MCC: variants seen among roughly 807,000 people sequenced by gnomAD.
MCC encodes colorectal mutant cancer protein.
Under a neutral mutation model 116.2 loss-of-function variants are expected in MCC, and 90 were observed. The ratio of observed to expected loss-of-function variants is 0.77; its 90% confidence interval spans 0.65 to 0.92. MCC has a LOEUF of 0.92. MCC is among the 40% of genes least tolerant of loss of function. MCC has a pLI of 0.00. For synonymous variants in MCC, 578 were observed against 510.5 expected (o/e 1.13, Z -1.78); for missense variants, 1,516 against 1,312.2 (o/e 1.16, Z -2.40).
rs185441324 is a variant in MCC at position 113,216,126 on chromosome 5, C to T, written c.628-64704G>A. ...TATGCCCCCTTTATTTACATAGTGC[C>T]TATGGTTGCTTTTGCTGCAAAAATG... is the stretch of plus-strand genomic sequence containing the variant. On this transcript the variant is annotated intron_variant, in intron 3 of 18. Transcript: ENST00000408903. Among the ~76,000 whole-genome samples the T allele has an allele frequency of 2.0e-4, 31 of 152,252 alleles. No individual in the cohort carries two copies. The South Asian group carries it at 3.3e-3, about 16-fold the overall frequency.
chr5:113,320,527 C>T (rs1284146665), intron 3 of MCC, among the ~76,000 whole-genome samples: 1 of 151,150 alleles, frequency 6.6e-6, no homozygotes, highest in African/African-American at 2.4e-5. Flanking sequence ...GGGTGATAAC[C>T]TACAGGCCCT....
At chr5:113,435,347 C>T (rs916556304) in intron 1 of MCC, among the ~76,000 whole-genome samples, 3 of 148,690 alleles carry the variant, frequency 2.0e-5, no homozygotes, top group African/African-American at 7.5e-5. Flanking sequence ...CACACAATTA[C>T]CCCAAGATAG....
chr5:113,207,008 A>G (rs1404737845), intron 3 of MCC, among the ~76,000 whole-genome samples: 1 of 152,072 alleles, frequency 6.6e-6, no homozygotes, highest in African/African-American at 2.4e-5. Context: ...GGTCCTCCTT[A>G]CTCCATTAAT....
intron 3 of MCC, among the ~76,000 whole-genome samples, chr5:113,269,476 A>G (rs1765534868): frequency 6.6e-6 from 1 of 152,340 alleles, no homozygotes; most frequent in South Asian, 2.1e-4. Context: ...ACAAATGATT[A>G]AATTGTGGTA....
intron 17 of MCC, among the ~76,000 whole-genome samples, chr5:113,042,486 A>C (rs1471381157): frequency 6.6e-6 from 1 of 151,118 alleles, no homozygotes; most frequent in Non-Finnish European, 1.5e-5. Flanking sequence ...AAAAAAAAAA[A>C]AAAAAAAAAA....
intron 1 of MCC, among the ~76,000 whole-genome samples, chr5:113,409,814 C>G (rs934236279): frequency 1.3e-5 from 2 of 152,206 alleles, no homozygotes; most frequent in Non-Finnish European, 2.9e-5. Context: ...TATTTAGTCT[C>G]TGTCCCTTCC....
intron 14 of MCC, among the ~76,000 whole-genome samples, chr5:113,062,896 C>G (rs934438416): frequency 6.6e-6 from 1 of 152,156 alleles, no homozygotes; most frequent in African/African-American, 2.4e-5. Context: ...CTTTCCAGCA[C>G]CAAGAAAGCA....
rs1768754888 is a variant in MCC at position 113,368,414 on chromosome 5, CTTTGT to C, written c.415+16549_415+16553del. ...ACTATTTTGTTGATGATGTTTTTCC[CTTTGT>C]TTTCTTTGTTTACTCTTTCTAGAAT... On this transcript the variant is annotated intron_variant, in intron 2 of 18. Transcript: ENST00000408903. Among the ~76,000 whole-genome samples the C allele has an allele frequency of 2.6e-5, 4 of 152,176 alleles. No individual in the cohort carries two copies. The South Asian group carries it at 8.3e-4, about 32-fold the overall frequency.
intron 3 of MCC, among the ~76,000 whole-genome samples, chr5:113,236,123 C>T (rs1438804152): frequency 6.6e-6 from 1 of 151,988 alleles, no homozygotes; most frequent in African/African-American, 2.4e-5. Flanking sequence ...CTTTTAAAGG[C>T]TCTCTGATCT....
intron 3 of MCC, among the ~76,000 whole-genome samples, chr5:113,242,948 A>T (rs1764433919): frequency 6.6e-6 from 1 of 152,216 alleles, no homozygotes; most frequent in Non-Finnish European, 1.5e-5. Flanking sequence ...AGTGAGAGCG[A>T]GATCATCAGG....
intron 11 of MCC, among the ~76,000 whole-genome samples, chr5:113,073,349 T>A (rs1310140992): frequency 1.3e-5 from 2 of 152,236 alleles, no homozygotes; most frequent in Non-Finnish European, 2.9e-5. Context: ...CCACAAAGAT[T>A]GTGCTGCTTC....
chr5:113,025,898 C>T lies in MCC; in HGVS notation c.*1404G>A, dbSNP rs953646413. The T allele has an allele frequency of 6.6e-6, 1 of 152,158 alleles. No individual in the cohort carries two copies. The highest frequency in any genetic ancestry group is 1.5e-5 in the Non-Finnish European group (1 of 68,036). 9.4% of individuals were successfully genotyped at this position (152,158 alleles called of 1,614,324 possible). On this transcript the variant is annotated 3_prime_UTR_variant, in exon 19 of 19. Transcript: ENST00000408903. ...AGCTTATGGACATAAAGACTCTATGCAGAAACCTCCTCAACTTTAATTTGT... is the reference window on the plus strand; with the variant it reads ...AGCTTATGGACATAAAGACTCTATGTAGAAACCTCCTCAACTTTAATTTGT...
chr5:113,358,996 A>G (rs532215301), intron 2 of MCC, among the ~76,000 whole-genome samples: 1 of 152,338 alleles, frequency 6.6e-6, no homozygotes, highest in East Asian at 1.9e-4. Context: ...GAATGTACAG[A>G]TAAATAGAGT....
chr5:113,134,987 C>CAGACA (rs1379540650), intron 5 of MCC, among the ~76,000 whole-genome samples: 4 of 149,372 alleles, frequency 2.7e-5, no homozygotes, highest in African/African-American at 4.9e-5. Flanking sequence ...TGTCTCCCAG[C>CAGACA]CTGGAGTGCA....
intron 2 of MCC, among the ~76,000 whole-genome samples, chr5:113,343,603 G>A (rs1768062689): frequency 6.6e-6 from 1 of 152,184 alleles, no homozygotes; most frequent in Admixed American, 6.5e-5. Context: ...AAGACAAACA[G>A]ACAGAGGGCT....
intron 1 of MCC, among the ~76,000 whole-genome samples, chr5:113,441,550 C>T (rs1166074371): frequency 6.6e-6 from 1 of 152,084 alleles, no homozygotes; most frequent in South Asian, 2.1e-4. Context: ...ATGTGCGGAA[C>T]GTGCAGTTTT....
chr5:113,165,408 C>A (rs1760714814), intron 3 of MCC, among the ~76,000 whole-genome samples: 1 of 152,206 alleles, frequency 6.6e-6, no homozygotes, highest in South Asian at 2.1e-4. Context: ...TATTGTCTTG[C>A]CAGTTCTCTT....
chr5:113,247,568 G>A (rs4705809), intron 3 of MCC, among the ~76,000 whole-genome samples: 24,070 of 152,070 alleles, frequency 0.16, 2,244 homozygotes, highest in Admixed American at 0.29. Context: ...ACAAGGCAGC[G>A]TCTTAAGGAT....
intron 1 of MCC, among the ~76,000 whole-genome samples, chr5:113,459,469 T>G (rs971031235): frequency 6.7e-6 from 1 of 150,102 alleles, no homozygotes; most frequent in Non-Finnish European, 1.5e-5. Context: ...ACCCAGGAGG[T>G]AGAGCTTGCA....
Sources: gnomAD v4.1 joint callset for allele counts (sites outside exome capture counted in the v4.1 genomes callset) on GRCh38, gnomAD v4.1.1 for gene constraint, MANE v1.5 for transcripts, NCBI Gene and HGNC (gene_info 2026-07-23, HGNC 2026-07-21) for gene names.